Variants in TRAF6 observed in about 807,000 individuals in gnomAD.
TRAF6 encodes TNF receptor associated factor 6.
TRAF6 carries 10 observed loss-of-function variants against 48.4 expected under a neutral mutation model. The ratio of observed to expected loss-of-function variants is 0.21; its 90% CI spans 0.13 to 0.35. The LOEUF (loss-of-function observed/expected upper bound fraction) is 0.35. Ranked by LOEUF, TRAF6 falls within the 10% of genes least tolerant of loss-of-function variation. TRAF6 has a pLI of 1.00. For missense variants in TRAF6, 397 were observed against 661.0 expected, an observed-to-expected ratio of 0.60 and a Z score of 4.38; for synonymous variants, 186 against 219.6, an observed-to-expected ratio of 0.85 and a Z score of 1.35.
rs182969019 is a variant in TRAF6, at chr11:36,503,472, G to A, written c.-22-1935C>T. Among the ~76,000 whole-genome samples the A allele has an allele frequency of 1.9e-3, 288 of 152,156 alleles. 2 individuals are homozygous for A. Among genetic ancestry groups the A allele is most frequent in the South Asian group, 5.4e-3 (26 of 4,810 alleles). ...ACTAATTTTTGTGTTTAGTAGAGAC[G>A]GGGTTTTGCCATGTTGGCCAGGCTG... On this transcript the variant is annotated intron_variant, in intron 1 of 6. Coordinates refer to ENST00000526995, the MANE Select transcript of TRAF6 (RefSeq NM_004620.4).
At chr11:36,498,778 CCAAAA>C (rs1859676567) in intron 2 of TRAF6, 138 bp from the exon 3 acceptor site, 2 of 865,358 alleles carry the variant, frequency 2.3e-6, no homozygotes, top group Admixed American at 6.7e-5. Context: ...TTGCAGGTCA[CCAAAA>C]CAAACTGTCC....
At position 36,489,860 on chromosome 11, in the gene TRAF6, C is replaced by T; in HGVS notation, c.1547G>A (p.Arg516Gln). Residue 516 changes from arginine (R) to glutamine (Q), a missense_variant, in exon 7 of 7, where the codon CGA (arginine) becomes CAA (glutamine). By Grantham distance (43) the Arg-to-Gln change is conservative (BLOSUM62 1). Transcript: ENST00000526995. ...AAGCTATACCCCTGCATCAGTACTT[C>T]GTGGCTGAAAACCCTCCCTCCGAAG... Reference protein sequence around the residue: ...GSLRREGFQPRSTDAGV With the variant: ...GSLRREGFQPQSTDAGV The T allele has an allele frequency of 5.6e-6, 9 of 1,613,870 alleles. No individual in the cohort carries two copies. Among genetic ancestry groups the T allele is most frequent in the Non-Finnish European group, 5.9e-6 (7 of 1,179,786 alleles).
chr11:36,504,735 C>T (rs1859762625), intron 1 of TRAF6, among the ~76,000 whole-genome samples: 1 of 152,196 alleles, frequency 6.6e-6, no homozygotes, highest in Non-Finnish European at 1.5e-5. Context: ...ATCGGGGGCT[C>T]ATTCTCTATG....
rs370394325 is a variant in TRAF6, at chr11:36,495,045, G to C, written c.609C>G (p.Ile203Met). The change falls in exon 5 of 7, where the codon ATC becomes ATG. Residue 203 changes from isoleucine to methionine, a missense_variant and splice_region_variant. Physicochemically the swap from Ile to Met is conservative, Grantham distance 10. Transcript: ENST00000526995. The part of the protein sequence containing the change: ...AASMAFEDKE[I>M]HDQNCPLANV... ...TTGCCAAAGGACAGTTCTGGTCATG[G>C]ATCTGAATTTTATTAGAGAAATATA... 22 of 1,598,084 alleles carry C rather than the reference G, an allele frequency of 1.4e-5. No homozygotes were observed. The African/African-American group carries it at 2.7e-4, about 20-fold the overall frequency.
rs1409211193 is a variant in TRAF6, at chr11:36,489,504, CTT to C, written c.*332_*333del. The C allele has an allele frequency of 3.9e-6, 1 of 256,050 alleles. No individual in the cohort carries two copies. 15.9% of individuals were successfully genotyped at this position (256,050 alleles called of 1,614,324 possible). ...CCATTATTATTAAAAGTTTAGTACT[CTT>C]GAGTCTGGACTTTCTGACAATAAAA... On this transcript the variant is annotated 3_prime_UTR_variant, in exon 7 of 7. Transcript: ENST00000526995.
chr11:36,495,088 T>G, intron 4 of TRAF6, 41 bp from the exon 5 acceptor site: 1 of 1,458,974 alleles, frequency 6.9e-7, no homozygotes, highest in South Asian at 1.2e-5. Flanking sequence ...CATGAGAATA[T>G]CTGAAAAAGT....
chr11:36,507,673 A>AT (rs1859819842), intron 1 of TRAF6, among the ~76,000 whole-genome samples: 1 of 67,654 alleles, frequency 1.5e-5, no homozygotes, highest in African/African-American at 5.4e-5. Context: ...ACGCGCGTGT[A>AT]TATATGTATA....
chr11:36,489,684 G>C lies in TRAF6; in HGVS notation c.*154C>G. The stretch of plus-strand genomic sequence containing the variant: ...AGGAAAAAACTGCCTCAGATCATTT[G>C]TAACAGGAAGAAATAGTAAGTGACC... On this transcript the variant is annotated 3_prime_UTR_variant, in exon 7 of 7. Transcript: ENST00000526995. 3 of 881,530 alleles carry C rather than the reference G, an allele frequency of 3.4e-6. No individual in the cohort carries two copies. In the South Asian group the frequency reaches 5.3e-5, roughly 16 times the overall value. 54.6% of individuals were successfully genotyped at this position (881,530 alleles called of 1,614,324 possible). A position where few individuals can be genotyped will look rare whatever the true frequency, so the allele number is the denominator to read the frequency against.
intron 2 of TRAF6, 138 bp from the exon 3 acceptor site, chr11:36,498,778 C>T: frequency 1.2e-6 from 1 of 865,358 alleles, no homozygotes; most frequent in Middle Eastern, 3.3e-4. Flanking sequence ...TTGCAGGTCA[C>T]CAAAACAAAC....
intron 5 of TRAF6, among the ~76,000 whole-genome samples, chr11:36,494,606 G>A (rs1231235835): frequency 1.3e-5 from 2 of 151,604 alleles, no homozygotes; most frequent in East Asian, 3.9e-4. Context: ...CTGGACACTT[G>A]AGATCCTCAT....
At position 36,486,598 on chromosome 11, in the gene TRAF6, G is replaced by C. The variant is rs1027067913; in HGVS notation, c.*3240C>G. Reference sequence around the variant, plus strand: ...GTATCTCTGTATTATTCCATCATTAGAATAAAAAACACCTGCCTTCATTCT... The same window carrying C: ...GTATCTCTGTATTATTCCATCATTACAATAAAAAACACCTGCCTTCATTCT... On this transcript the variant is annotated 3_prime_UTR_variant, in exon 7 of 7. Coordinates refer to ENST00000526995, the MANE Select transcript of TRAF6 (RefSeq NM_004620.4). 6.6e-6 allele frequency among the ~76,000 whole-genome samples: 1 copy of C among 152,038 alleles called. No homozygotes were observed. The highest frequency in any genetic ancestry group is 1.5e-5 in the Non-Finnish European group (1 of 68,026).
intron 2 of TRAF6, among the ~76,000 whole-genome samples, chr11:36,499,811 G>C (rs1165406392): frequency 6.6e-6 from 1 of 152,150 alleles, no homozygotes; most frequent in Non-Finnish European, 1.5e-5. Context: ...AAACTTTGGA[G>C]ACTAACAAAT....
At chr11:36,496,993 A>T in intron 4 of TRAF6, 115 bp downstream of exon 4, 1 of 1,090,698 alleles carries the variant, frequency 9.2e-7, no homozygotes, top group Non-Finnish European at 1.3e-6. Flanking sequence ...CAAAATTGAT[A>T]ATGTAGACTC....
At chr11:36,501,195 A>G (rs1008295202) in intron 2 of TRAF6, 25 bp downstream of exon 2, 3 of 1,534,444 alleles carry the variant, frequency 2.0e-6, no homozygotes, top group Admixed American at 3.9e-5. Context: ...GTTATAGGAC[A>G]CCATTTTTTC....
rs574981560 is a variant in TRAF6, at chr11:36,499,104, C to T, written c.297-464G>A. 5.3e-4 allele frequency among the ~76,000 whole-genome samples: 80 copies of T among 152,248 alleles called. No individual in the cohort carries two copies. In the South Asian group the frequency reaches 0.016, roughly 31 times the overall value. ...AAATTTAAGCACTTAGCAGTACCTC[C>T]GTGAGGTCACATTTTAAAGTTTACT... On this transcript the variant is annotated intron_variant, in intron 2 of 6. Transcript: ENST00000526995.
chr11:36,498,955 AGAAT>A (rs1405523330), intron 2 of TRAF6, among the ~76,000 whole-genome samples: 1 of 152,234 alleles, frequency 6.6e-6, no homozygotes, highest in African/African-American at 2.4e-5. Context: ...ATGAAGTGAA[AGAAT>A]GGGAATTTTG....
At chr11:36,492,220 G>C (rs185320102) in intron 6 of TRAF6, among the ~76,000 whole-genome samples, 1 of 152,250 alleles carries the variant, frequency 6.6e-6, no homozygotes, top group Non-Finnish European at 1.5e-5. Context: ...ATTGCTATTG[G>C]GTTGAACTAG....
At position 36,492,098 on chromosome 11, in the gene TRAF6, T is replaced by C. The variant is rs530247742; in HGVS notation, c.756+453A>G. ...CAGTAGATCTTCTCTCCTAAATATG[T>C]ACTGGCTCCTAGGTCTATCTTGACG... is the stretch of plus-strand genomic sequence containing the variant. On this transcript the variant is annotated intron_variant, in intron 6 of 6. Coordinates refer to ENST00000526995, the MANE Select transcript of TRAF6 (RefSeq NM_004620.4). Among the ~76,000 whole-genome samples the C allele has an allele frequency of 2.0e-5, 3 of 152,314 alleles. 1 individual carries two copies. Among genetic ancestry groups the C allele is most frequent in the African/African-American group, 7.2e-5 (3 of 41,570 alleles).
At chr11:36,498,412 G>C in intron 3 of TRAF6, 78 bp downstream of exon 3, 1 of 1,382,768 alleles carries the variant, frequency 7.2e-7, no homozygotes, top group Non-Finnish European at 9.8e-7. Context: ...GCAATACACA[G>C]ATGGACACAG....
Sources: allele counts gnomAD v4.1 joint callset (sites outside exome capture counted in the v4.1 genomes callset), GRCh38; gene constraint gnomAD v4.1.1; transcripts MANE v1.5; gene names NCBI Gene and HGNC (gene_info 2026-07-23, HGNC 2026-07-21).